TRPM1: variants seen among roughly 807,000 people sequenced by gnomAD.
TRPM1 encodes transient receptor potential cation channel subfamily M member 1.
A neutral mutation model predicts 149.4 loss-of-function variants in TRPM1; 113 were observed. The ratio of observed to expected loss-of-function variants is 0.76; its 90% CI spans 0.65 to 0.88. TRPM1 has a LOEUF of 0.88. Among genes scored for constraint, TRPM1 ranks in the 40% least tolerant of loss-of-function variants. TRPM1 has a pLI of 0.00. For missense variants in TRPM1, 1,976 were observed against 2,038.7 expected (o/e 0.97, Z 0.59); for synonymous variants, 741 against 759.5 (o/e 0.98, Z 0.40).
chr15:31,078,303 A>G (rs2034764952), intron 2 of TRPM1, among the ~76,000 whole-genome samples: 1 of 152,098 alleles, frequency 6.6e-6, no homozygotes, highest in Non-Finnish European at 1.5e-5. Context: ...CATGTCAGAG[A>G]GGCCCTCCGC....
intron 1 of TRPM1, among the ~76,000 whole-genome samples, chr15:31,111,275 G>T (rs1003629838): frequency 6.6e-6 from 1 of 152,180 alleles, no homozygotes; most frequent in Non-Finnish European, 1.5e-5. Flanking sequence ...CTAACTGCAC[G>T]TAAGAAGCCC....
At chr15:31,065,614 G>A (rs1277327378) in intron 7 of TRPM1, among the ~76,000 whole-genome samples, 1 of 152,132 alleles carries the variant, frequency 6.6e-6, no homozygotes, top group Non-Finnish European at 1.5e-5. Context: ...GATGGCTCCT[G>A]CAGCCCTCTC....
At chr15:31,005,808 G>T (rs2031968967) in intron 27 of TRPM1, among the ~76,000 whole-genome samples, 1 of 152,148 alleles carries the variant, frequency 6.6e-6, no homozygotes, top group Non-Finnish European at 1.5e-5. Flanking sequence ...AACCATGGTT[G>T]GTGACTTCCC....
chr15:31,004,324 G>C (rs1020914802), intron 27 of TRPM1, among the ~76,000 whole-genome samples: 6 of 151,874 alleles, frequency 4.0e-5, no homozygotes, highest in Non-Finnish European at 7.4e-5. Context: ...TGTCTTCTGA[G>C]CAGATTGCCT....
intron 2 of TRPM1, among the ~76,000 whole-genome samples, chr15:31,081,070 C>G (rs1216833275): frequency 6.6e-6 from 1 of 152,090 alleles, no homozygotes; most frequent in East Asian, 1.9e-4. Flanking sequence ...CCCCCCTTAT[C>G]GTGCCAATGA....
intron 1 of TRPM1, among the ~76,000 whole-genome samples, chr15:31,153,418 A>G (rs574468179): frequency 2.0e-5 from 3 of 152,148 alleles, no homozygotes; most frequent in Admixed American, 6.5e-5. Flanking sequence ...TCCGCCTCCC[A>G]GGTTCAAGCA....
At chr15:31,133,151 C>T (rs987788241) in intron 1 of TRPM1, among the ~76,000 whole-genome samples, 1 of 152,154 alleles carries the variant, frequency 6.6e-6, no homozygotes, top group African/African-American at 2.4e-5. Flanking sequence ...AAGGAAACTG[C>T]AGTGGCCGAG....
chr15:31,140,586 C>T (rs956703480), intron 1 of TRPM1, among the ~76,000 whole-genome samples: 29 of 152,160 alleles, frequency 1.9e-4, no homozygotes, highest in African/African-American at 6.5e-4. Flanking sequence ...GTACCTTCTC[C>T]ATCCTTCTTG....
chr15:31,093,059 G>A (rs1218293056), intron 1 of TRPM1, among the ~76,000 whole-genome samples: 2 of 151,990 alleles, frequency 1.3e-5, no homozygotes, highest in Admixed American at 6.6e-5. Flanking sequence ...TCAGGAGTTC[G>A]AGACCAGCCT....
chr15:31,030,860 T>A, intron 23 of TRPM1, 123 bp downstream of exon 23: 1 of 1,051,488 alleles, frequency 9.5e-7, no homozygotes, highest in East Asian at 2.4e-5. Flanking sequence ...AATAATTTGA[T>A]GCCTATGGTG....
intron 1 of TRPM1, among the ~76,000 whole-genome samples, chr15:31,109,768 C>G (rs1463987547): frequency 6.6e-6 from 1 of 151,210 alleles, no homozygotes; most frequent in Non-Finnish European, 1.5e-5. Flanking sequence ...GGAGTCCTGG[C>G]AGCAGACTTG....
intron 3 of TRPM1, among the ~76,000 whole-genome samples, chr15:31,072,809 T>A (rs1004652209): frequency 4.6e-5 from 7 of 152,196 alleles, no homozygotes; most frequent in African/African-American, 1.4e-4. Context: ...TGACTATTTG[T>A]GTATCTTCTT....
intron 1 of TRPM1, among the ~76,000 whole-genome samples, chr15:31,135,042 C>T (rs1248580740): frequency 1.3e-5 from 2 of 152,094 alleles, no homozygotes; most frequent in African/African-American, 2.4e-5. Flanking sequence ...CTGGTTATCC[C>T]CCATATATAC....
At chr15:31,023,367 A>G (rs2911855) in intron 27 of TRPM1, among the ~76,000 whole-genome samples, 140,337 of 152,342 alleles carry the variant, frequency 0.92, 64,671 homozygotes, top group East Asian at 0.99. Context: ...TGGCAAAGCC[A>G]GAGAGAGGGC....
chr15:31,063,628 T>C (rs2140957604), intron 7 of TRPM1, among the ~76,000 whole-genome samples: 1 of 152,178 alleles, frequency 6.6e-6, no homozygotes, highest in East Asian at 1.9e-4. Flanking sequence ...ACCTGGCTAA[T>C]TTTTGGTAGA....
At chr15:31,104,586 CTT>C (rs928062797), upstream of TRPM1, among the ~76,000 whole-genome samples, 259 of 87,396 alleles carry the variant, frequency 3.0e-3, no homozygotes, top group African/African-American at 9.9e-3. Flanking sequence ...GGTGATCTTC[CTT>C]TTTTTTTTTT....
In TRPM1 at chr15:31,067,924, C is replaced by T; in HGVS notation, c.448G>A (p.Ala150Thr). 1 of 1,613,904 alleles carries T rather than the reference C, an allele frequency of 6.2e-7. No individual in the cohort carries two copies. The highest frequency in any genetic ancestry group is 8.5e-7 in the Non-Finnish European group (1 of 1,180,026). The part of the protein sequence containing the change: ...QVFGKGLIKA[A>T]MTTGAWIFTG... ...AAGATCCAGGCCCCGGTGGTCATAGCAGCCTTGATCAGGCCTTTCCCAAAG... is the reference window on the plus strand; with the variant it reads ...AAGATCCAGGCCCCGGTGGTCATAGTAGCCTTGATCAGGCCTTTCCCAAAG... Residue 150 changes from alanine to threonine, a missense_variant, in exon 5 of 28, where the codon GCT becomes ACT. By Grantham distance (58) the Ala-to-Thr change is moderately conservative. Transcript: ENST00000256552.
rs756080120 is a variant in TRPM1 at position 31,042,202 on chromosome 15, C to T, written c.1836G>A (p.Lys612=). The change falls in exon 17 of 28, where the codon AAG becomes AAA. Residue 612 remains lysine (K), a synonymous_variant. Coordinates refer to ENST00000256552, the MANE Select transcript of TRPM1 (RefSeq NM_001252024.2). ...PPAKGKKKKK[K]KKEEEIDIDV... The stretch of plus-strand genomic sequence containing the variant: ...CAATGTCGATCTCTTCCTCCTTTTT[C>T]TTCTTTTTCTTTTTCTTCCCTTTAG... The T allele has an allele frequency of 1.9e-5, 30 of 1,609,070 alleles. No individual in the cohort carries two copies. In the South Asian group the frequency reaches 3.0e-4, roughly 16 times the overall value.
chr15:31,140,091 G>A (rs1018611643), intron 1 of TRPM1, among the ~76,000 whole-genome samples: 15 of 152,110 alleles, frequency 9.9e-5, no homozygotes, highest in African/African-American at 3.6e-4. Flanking sequence ...TCTTGGCTGG[G>A]CACGGTGGCT....
Sources: gnomAD v4.1 joint callset for allele counts (sites outside exome capture counted in the v4.1 genomes callset) on GRCh38, gnomAD v4.1.1 for gene constraint, MANE v1.5 for transcripts, NCBI Gene and HGNC (gene_info 2026-07-23, HGNC 2026-07-21) for gene names.